The following OTOGL variants were observed in gnomAD, a reference collection of about 807,000 sequenced individuals.
OTOGL encodes the protein otogelin like, also known as otogelin-like protein.
OTOGL carries 285 observed loss-of-function variants against 318.5 expected under a neutral mutation model. The ratio of observed to expected loss-of-function variants is 0.89; its 90% confidence interval spans 0.81 to 0.99. The LOEUF (loss-of-function observed/expected upper bound fraction) is 0.99. OTOGL is among the 50% of genes least tolerant of loss of function. OTOGL has a pLI of 0.00. For synonymous variants in OTOGL, 987 were observed against 936.5 expected (o/e 1.05, Z -0.99); for missense variants, 2,899 against 2,845.6 (o/e 1.02, Z -0.43).
intron 1 of OTOGL, among the ~76,000 whole-genome samples, chr12:80,127,006 C>G (rs1294620020): frequency 1.3e-5 from 2 of 152,140 alleles, no homozygotes; most frequent in Admixed American, 1.3e-4. Context: ...ATTTGCCAGT[C>G]CGTGTCTTTT....
intron 1 of OTOGL, among the ~76,000 whole-genome samples, chr12:80,143,211 C>T (rs77419503): frequency 0.019 from 2,828 of 152,156 alleles, 82 homozygotes; most frequent in African/African-American, 0.063. Flanking sequence ...GGGTGCTACC[C>T]CATACCCCAC....
At chr12:80,265,289 T>G in intron 20 of OTOGL, 79 bp downstream of exon 20, 4 of 1,317,248 alleles carry the variant, frequency 3.0e-6, no homozygotes, top group Non-Finnish European at 4.2e-6. Context: ...CTTTTATTTT[T>G]TAAATGAAAT....
At chr12:80,106,966 A>G (rs936159302) in intron 1 of OTOGL, among the ~76,000 whole-genome samples, 2 of 152,094 alleles carry the variant, frequency 1.3e-5, no homozygotes, top group Admixed American at 1.3e-4. Flanking sequence ...CAAATTTACA[A>G]AGAGTTTACA....
At chr12:80,239,209 G>T in intron 10 of OTOGL, 124 bp from the exon 11 acceptor site, 2 of 955,396 alleles carry the variant, frequency 2.1e-6, no homozygotes, top group South Asian at 2.1e-5. Flanking sequence ...TAGTTAAAAT[G>T]TATAAGTTAC....
chr12:80,150,179 T>C (rs988326869), intron 1 of OTOGL, among the ~76,000 whole-genome samples: 1 of 152,218 alleles, frequency 6.6e-6, no homozygotes, highest in African/African-American at 2.4e-5. Context: ...TGACCAAAGG[T>C]CCTGTTCCCT....
chr12:80,244,180 T>C (rs1880650116), intron 11 of OTOGL, among the ~76,000 whole-genome samples: 1 of 151,520 alleles, frequency 6.6e-6, no homozygotes, highest in South Asian at 2.1e-4. Context: ...TTCTTTTTTT[T>C]TTTTTATACT....
intron 1 of OTOGL, among the ~76,000 whole-genome samples, chr12:80,206,800 T>G (rs1182818650): frequency 1.3e-5 from 2 of 151,998 alleles, no homozygotes; most frequent in African/African-American, 4.8e-5. Flanking sequence ...TGAGCCACTG[T>G]GCCTGGTCAA....
At chr12:80,199,810 A>C (rs552089637) in intron 1 of OTOGL, among the ~76,000 whole-genome samples, 1 of 152,212 alleles carries the variant, frequency 6.6e-6, no homozygotes, top group Admixed American at 6.5e-5. Context: ...CAGATGCTGG[A>C]TGCTGAATTG....
chr12:80,270,840 G>A (rs543782232), intron 23 of OTOGL, among the ~76,000 whole-genome samples: 3 of 151,694 alleles, frequency 2.0e-5, no homozygotes, highest in African/African-American at 7.3e-5. Flanking sequence ...AGTTACTATG[G>A]GCAAATTCTA....
intron 35 of OTOGL, 60 bp downstream of exon 35, chr12:80,323,900 T>G: frequency 7.5e-7 from 1 of 1,340,196 alleles, no homozygotes; most frequent in Non-Finnish European, 1.1e-6. Context: ...TGTTTTCAGT[T>G]GATTTTTTTC....
At chr12:80,283,784 T>C (rs530513404) in intron 26 of OTOGL, among the ~76,000 whole-genome samples, 2 of 152,258 alleles carry the variant, frequency 1.3e-5, no homozygotes, top group South Asian at 2.1e-4. Context: ...TTAGTGTGCA[T>C]GCAGATCACC....
At chr12:80,328,581 T>C in intron 35 of OTOGL, 84 bp from the exon 36 acceptor site, 2 of 1,003,178 alleles carry the variant, frequency 2.0e-6, no homozygotes, top group Non-Finnish European at 3.0e-6. Flanking sequence ...GAATATATCT[T>C]AGTCGCATAT....
Position 80,302,639 on chromosome 12 carries a change from A to T in OTOGL, c.3069A>T (p.Gln1023His). Reference protein sequence around the residue: ...YLNDTPYKQKQSGFFLENKST... With the variant: ...YLNDTPYKQKHSGFFLENKST... ...TTTTCTTTTTTGTTTTTAAGAAACA[A>T]TCAGGTTTTTTTCTGGAAAACAAAT... is the stretch of plus-strand genomic sequence containing the variant. Residue 1023 changes from glutamine (Q) to histidine (H), a missense_variant, in exon 28 of 59, where the codon CAA becomes CAT. By Grantham distance (24) the Gln-to-His change is conservative. This residue lies in a region of OTOGL where 2,607 missense variants were observed against 2,524.9 expected (regional missense o/e 1.03). Coordinates refer to ENST00000547103, the MANE Select transcript of OTOGL (RefSeq NM_001378609.3). 7.3e-7 allele frequency: 1 copy of T among 1,366,978 alleles called. No homozygotes were observed. Among genetic ancestry groups the T allele is most frequent in the Non-Finnish European group, 9.5e-7 (1 of 1,056,376 alleles). 84.7% of individuals were successfully genotyped at this position (1,366,978 alleles called of 1,614,324 possible). A position where few individuals can be genotyped will look rare whatever the true frequency, so the allele number is the denominator to read the frequency against.
intron 38 of OTOGL, among the ~76,000 whole-genome samples, chr12:80,334,712 TTAA>T (rs1888286074): frequency 6.6e-6 from 1 of 152,118 alleles, no homozygotes; most frequent in Non-Finnish European, 1.5e-5. Flanking sequence ...ACTGAATATA[TTAA>T]TAGGTCTGAG....
chr12:80,339,244 C>T lies in OTOGL; in HGVS notation c.5030C>T (p.Ser1677Phe), dbSNP rs755374459. The T allele has an allele frequency of 7.5e-6, 12 of 1,605,098 alleles. No homozygotes were observed. The highest frequency in any genetic ancestry group is 2.7e-5 in the African/African-American group (2 of 74,066). Residue 1677 changes from serine (S) to phenylalanine (F), a missense_variant, in exon 43 of 59, where the codon TCC (serine) becomes TTC (phenylalanine). Ser to Phe is a radical substitution (Grantham distance 155). Around this residue, in one of 3 missense-constraint regions of OTOGL, gnomAD observed 2,607 missense variants for 2,524.9 expected, o/e 1.03. Transcript: ENST00000547103. ...IHFGFRFNLSSYTEGLCGICN... is the reference protein window; with the variant it reads ...IHFGFRFNLSFYTEGLCGICN... Reference sequence around the variant, plus strand: ...TTTGGCTTCCGATTTAACTTGTCATCCTACACAGAAGGACTCTGTGGTGAG... The same window carrying T: ...TTTGGCTTCCGATTTAACTTGTCATTCTACACAGAAGGACTCTGTGGTGAG...
chr12:80,260,650 CTTA>C lies in OTOGL; in HGVS notation c.1890-1314_1890-1312del, dbSNP rs554156600. ...TTACTTGAAAACATATTTTGTATGC[CTTA>C]TTATAATAAGTTGACTATGGTGAGC... On this transcript the variant is annotated intron_variant, in intron 18 of 58. Transcript: ENST00000547103. Among the ~76,000 whole-genome samples the C allele has an allele frequency of 9.2e-5, 14 of 152,162 alleles. No individual in the cohort carries two copies. In the East Asian group the frequency reaches 1.5e-3, roughly 17 times the overall value.
chr12:80,157,877 G>C (rs780542503), intron 1 of OTOGL, among the ~76,000 whole-genome samples: 1 of 152,046 alleles, frequency 6.6e-6, no homozygotes, highest in Non-Finnish European at 1.5e-5. Flanking sequence ...CCAGTCACTC[G>C]TGTGACTAAT....
intron 56 of OTOGL, among the ~76,000 whole-genome samples, chr12:80,371,680 GGAGTTGA>G (rs2138098316): frequency 6.6e-6 from 1 of 152,152 alleles, no homozygotes; most frequent in South Asian, 2.1e-4. Flanking sequence ...GTTATTTCAA[GGAGTTGA>G]AAATATATAA....
intron 47 of OTOGL, 46 bp downstream of exon 47, chr12:80,355,994 T>C (rs753093045): frequency 6.4e-7 from 1 of 1,563,290 alleles, no homozygotes; most frequent in Non-Finnish European, 8.8e-7. Context: ...ACAAAATATG[T>C]TGATATTCTT....
Sources: gnomAD v4.1 joint callset for allele counts (sites outside exome capture counted in the v4.1 genomes callset) on GRCh38, gnomAD v4.1.1 for gene constraint, gnomAD v4.1.1 regional missense constraint, MANE v1.5 for transcripts, NCBI Gene and HGNC (gene_info 2026-07-23, HGNC 2026-07-21) for gene names.